NKX2-5: variants seen among roughly 807,000 people sequenced by gnomAD.
The protein encoded by NKX2-5 is homeobox protein Nkx-2.5.
Under a neutral mutation model 24.5 loss-of-function variants are expected in NKX2-5, and 3 were observed. The observed-to-expected ratio is 0.12, with a 90% CI of 0.06 to 0.32. The LOEUF (loss-of-function observed/expected upper bound fraction) is 0.32. Ranked by LOEUF, NKX2-5 falls within the 10% of genes least tolerant of loss-of-function variation. The pLI, the probability that NKX2-5 is intolerant of heterozygous loss-of-function variation, is 1.00. For synonymous variants in NKX2-5, 215 were observed against 217.6 expected, an observed-to-expected ratio of 0.99 and a Z score of 0.11; for missense variants, 429 against 452.4, an observed-to-expected ratio of 0.95 and a Z score of 0.47.
Position 173,234,993 on chromosome 5 carries a change from C to T in NKX2-5, c.91G>A (p.Gly31Arg), listed in dbSNP as rs1360215151. ...GCCTCCAGGCGGGCAGAGAGCTCTC[C>T]GGCGGCAGCCAGGCTGCGCTGCTGC... ...EQQQRSLAAA[G>R]ELSARLEATL... is the part of the protein sequence containing the mutation. The change falls in exon 1 of 2, where the codon GGA (glycine) becomes AGA (arginine). Residue 31 changes from glycine (G) to arginine (R), a missense_variant. Gly to Arg is a moderately radical substitution (Grantham distance 125). This residue lies in a region of NKX2-5 where 240 missense variants were observed against 240.4 expected (regional missense o/e 1.00). Transcript: ENST00000329198. The T allele has an allele frequency of 4.3e-6, 7 of 1,612,000 alleles. No individual in the cohort carries two copies. The highest frequency in any genetic ancestry group is 2.2e-5 in the East Asian group (1 of 44,830).
rs1260214548 is a variant in NKX2-5 at position 173,233,135 on chromosome 5, G to T, written c.409C>A (p.Arg137=). 1 of 1,601,954 alleles carries T rather than the reference G, an allele frequency of 6.2e-7. No individual in the cohort carries two copies. Among genetic ancestry groups the T allele is most frequent in the South Asian group, 1.1e-5 (1 of 89,728 alleles). ...AAGAGCACGCGCGGCTTCCTCCGCC[G>T]TCGCGCCCGGGGCCGCTCCGCGTTG... The part of the protein sequence containing the change: ...ADNAERPRAR[R]RRKPRVLFSQ... The change falls in exon 2 of 2, where the codon CGG becomes AGG. Residue 137 remains arginine (R), a synonymous_variant. Coordinates refer to ENST00000329198, the MANE Select transcript of NKX2-5 (RefSeq NM_004387.4).
At position 173,232,457 on chromosome 5, in the gene NKX2-5, T is replaced by G; in HGVS notation, c.*112A>C. 6.6e-7 allele frequency: 1 copy of G among 1,524,866 alleles called. No homozygotes were observed. The highest frequency in any genetic ancestry group is 1.4e-5 in the African/African-American group (1 of 72,532). The allele number at this position is 1,524,866 out of a possible 1,614,324, so 94.5% of individuals were successfully genotyped here. On this transcript the variant is annotated 3_prime_UTR_variant, in exon 2 of 2. Coordinates refer to ENST00000329198, the MANE Select transcript of NKX2-5 (RefSeq NM_004387.4). The surrounding 1 kb of genome is among the most constrained non-coding windows in gnomAD (Gnocchi z 5.9). Reference sequence around the variant, plus strand: ...AAAAGTTCCTAGGTCTCCGCAGGAGTGAATGCAAAATCCAGGGGACTCAGG... The same window carrying G: ...AAAAGTTCCTAGGTCTCCGCAGGAGGGAATGCAAAATCCAGGGGACTCAGG...
chr5:173,233,574 T>A, intron 1 of NKX2-5: 2 of 773,210 alleles, frequency 2.6e-6, no homozygotes, highest in Non-Finnish European at 4.1e-6. Flanking sequence ...TGGGGTGAAC[T>A]GAATTAGGGC....
Position 173,232,606 on chromosome 5 carries a change from G to A in NKX2-5, c.938C>T (p.Ser313Leu), listed in dbSNP as rs769930017. The change falls in exon 2 of 2, where the codon TCG (serine) becomes TTG (leucine). Residue 313 changes from serine (S) to leucine (L), a missense_variant. Ser to Leu is a moderately radical substitution (Grantham distance 145). Around this residue, in one of 3 missense-constraint regions of NKX2-5, gnomAD observed 183 missense variants for 185.9 expected, o/e 0.98. Coordinates refer to ENST00000329198, the MANE Select transcript of NKX2-5 (RefSeq NM_004387.4). The surrounding 1 kb of genome is among the most constrained non-coding windows in gnomAD (Gnocchi z 5.9). ...GATACCATGCAGCGTGGACACTCCCGAGTTGCTCTGCGGAATCCCGGGGCT... is the reference window on the plus strand; with the variant it reads ...GATACCATGCAGCGTGGACACTCCCAAGTTGCTCTGCGGAATCCCGGGGCT... Reference protein sequence around the residue: ...VQSPGIPQSNSGVSTLHGIRA... With the variant: ...VQSPGIPQSNLGVSTLHGIRA... The A allele has an allele frequency of 1.2e-6, 2 of 1,612,882 alleles. No homozygotes were observed. Among genetic ancestry groups the A allele is most frequent in the South Asian group, 1.1e-5 (1 of 91,086 alleles).
chr5:173,232,324 C>A lies in NKX2-5; in HGVS notation c.*245G>T. 1 of 701,630 alleles carries A rather than the reference C, an allele frequency of 1.4e-6. No individual in the cohort carries two copies. The highest frequency in any genetic ancestry group is 2.3e-6 in the Non-Finnish European group (1 of 437,740). The allele number at this position is 701,630 out of a possible 1,614,324, so 43.5% of individuals were successfully genotyped here. ...GGTGCCCATGGACTCTCGGAGGGCA[C>A]TCCTGGGGGGACAGCTAAGACACCA... On this transcript the variant is annotated 3_prime_UTR_variant, in exon 2 of 2. Transcript: ENST00000329198. The surrounding 1 kb of genome is among the most constrained non-coding windows in gnomAD (Gnocchi z 5.9).
chr5:173,232,548 C>T lies in NKX2-5; in HGVS notation c.*21G>A. The stretch of plus-strand genomic sequence containing the variant: ...CTGTTGAGGTGGGATCGGTCAGGGT[C>T]GCGCCACGCGGGTCCCTTCCCTACC... On this transcript the variant is annotated 3_prime_UTR_variant, in exon 2 of 2. Coordinates refer to ENST00000329198, the MANE Select transcript of NKX2-5 (RefSeq NM_004387.4). The surrounding 1 kb of genome is among the most constrained non-coding windows in gnomAD (Gnocchi z 5.9). 6.2e-7 allele frequency: 1 copy of T among 1,602,502 alleles called. No individual in the cohort carries two copies. The highest frequency in any genetic ancestry group is 1.1e-5 in the South Asian group (1 of 90,978).
chr5:173,233,526 A>AAT (rs1761385116), intron 1 of NKX2-5: 3 of 885,668 alleles, frequency 3.4e-6, no homozygotes, highest in Non-Finnish European at 5.2e-6. Flanking sequence ...AAAATAAATA[A>AAT]AAAAATAAAA....
chr5:173,234,129 C>A (rs550040404), intron 1 of NKX2-5: 14 of 1,289,202 alleles, frequency 1.1e-5, no homozygotes, highest in East Asian at 1.1e-4. Context: ...CTGGCCGCGC[C>A]GGCAAGTTGT....
Position 173,232,113 on chromosome 5 carries a change from C to G in NKX2-5, c.*456G>C, listed in dbSNP as rs964688288. The G allele has an allele frequency of 5.7e-6, 1 of 175,692 alleles. No individual in the cohort carries two copies. The highest frequency in any genetic ancestry group is 1.2e-5 in the Non-Finnish European group (1 of 83,120). 10.9% of individuals were successfully genotyped at this position (175,692 alleles called of 1,614,324 possible). ...GAAAGAAGCACACGTGCGGGGTCAA[C>G]GCACTCTCTTTAATGGGAAGGGGAT... On this transcript the variant is annotated 3_prime_UTR_variant, in exon 2 of 2. Coordinates refer to ENST00000329198, the MANE Select transcript of NKX2-5 (RefSeq NM_004387.4). The surrounding 1 kb of genome is among the most constrained non-coding windows in gnomAD (Gnocchi z 5.9).
At position 173,235,099 on chromosome 5, in the gene NKX2-5, C is replaced by G. The variant is rs1761448293; in HGVS notation, c.-16G>C. ...TGGGGAACATGGTGGCAGCGCCAGT[C>G]TCACAGCGCCAGGTGGGCGGCAGAA... On this transcript the variant is annotated 5_prime_UTR_variant, in exon 1 of 2. Coordinates refer to ENST00000329198, the MANE Select transcript of NKX2-5 (RefSeq NM_004387.4). 6.3e-7 allele frequency: 1 copy of G among 1,593,650 alleles called. No individual in the cohort carries two copies. Among genetic ancestry groups the G allele is most frequent in the Non-Finnish European group, 8.5e-7 (1 of 1,172,166 alleles).
At chr5:173,234,722 G>C (rs565199103) in intron 1 of NKX2-5, 28 bp downstream of exon 1, 2 of 1,487,662 alleles carry the variant, frequency 1.3e-6, no homozygotes, top group Non-Finnish European at 1.8e-6. Flanking sequence ...CCCAGGAGGG[G>C]AGAAGGGGGC....
intron 1 of NKX2-5, 103 bp from the exon 2 acceptor site, chr5:173,233,312 GT>G: frequency 6.5e-7 from 1 of 1,539,866 alleles, no homozygotes; most frequent in Non-Finnish European, 8.7e-7. Flanking sequence ...AGGCCACTGT[GT>G]CCTGCCTGGA....
chr5:173,234,380 C>T, intron 1 of NKX2-5: 1 of 877,612 alleles, frequency 1.1e-6, no homozygotes. Flanking sequence ...TAAAAAGATT[C>T]GTAAATCCAA....
intron 1 of NKX2-5, chr5:173,234,376 G>T: frequency 1.1e-6 from 1 of 892,234 alleles, no homozygotes; most frequent in Non-Finnish European, 1.3e-6. Context: ...TCTTTAAAAA[G>T]ATTCGTAAAT....
At chr5:173,234,654 C>T in intron 1 of NKX2-5, 96 bp downstream of exon 1, 1 of 1,126,440 alleles carries the variant, frequency 8.9e-7, no homozygotes, top group Non-Finnish European at 1.2e-6. Context: ...GCCCAGCCCT[C>T]GGCCCAAGGG....
chr5:173,232,744 C>T lies in NKX2-5; in HGVS notation c.800G>A (p.Gly267Asp). 1 of 1,605,458 alleles carries T rather than the reference C, an allele frequency of 6.2e-7. No homozygotes were observed. The part of the protein sequence containing the change: ...PGYGGAACSP[G>D]YSCTAAYPAG... ...GGGGTAAGCGGCAGTGCAGCTGTAG[C>T]CAGGGCTGCAGGCCGCGCCGCCGTA... Residue 267 changes from glycine (G) to aspartate (D), a missense_variant, in exon 2 of 2, where the codon GGC becomes GAC. Transcript: ENST00000329198. The surrounding 1 kb of genome is among the most constrained non-coding windows in gnomAD (Gnocchi z 5.9).
In NKX2-5 at chr5:173,232,720, G is replaced by A. The variant is rs1060503097; in HGVS notation, c.824C>T (p.Pro275Leu). 8 of 1,608,476 alleles carry A rather than the reference G, an allele frequency of 5.0e-6. No individual in the cohort carries two copies. Among genetic ancestry groups the A allele is most frequent in the South Asian group, 1.1e-5 (1 of 90,882 alleles). The change falls in exon 2 of 2, where the codon CCC (proline) becomes CTC (leucine). Residue 275 changes from proline to leucine, a missense_variant. By Grantham distance (98) the Pro-to-Leu change is moderately conservative. Around this residue, in one of 3 missense-constraint regions of NKX2-5, gnomAD observed 183 missense variants for 185.9 expected, o/e 0.98. Transcript: ENST00000329198. The surrounding 1 kb of genome is among the most constrained non-coding windows in gnomAD (Gnocchi z 5.9). ...CGGCTGCGCTGGGGAAGGCCCGGCG[G>A]GGTAAGCGGCAGTGCAGCTGTAGCC... is the stretch of plus-strand genomic sequence containing the variant. ...SPGYSCTAAY[P>L]AGPSPAQPAT... is the part of the protein sequence containing the mutation.
chr5:173,233,178 C>T lies in NKX2-5; in HGVS notation c.366G>A (p.Leu122=), dbSNP rs748099661. ...ELCALQKAVE[L]EKTEADNAER... The stretch of plus-strand genomic sequence containing the variant: ...CCGCGTTGTCCGCCTCTGTCTTCTC[C>T]AGCTCCACCGCCTTCTGCAGCGCGC... Residue 122 remains leucine (L), a synonymous_variant, in exon 2 of 2, where the codon CTG becomes CTA. Transcript: ENST00000329198. The T allele has an allele frequency of 3.1e-6, 5 of 1,602,746 alleles. No individual in the cohort carries two copies. The highest frequency in any genetic ancestry group is 4.2e-6 in the Non-Finnish European group (5 of 1,178,886).
In NKX2-5 at chr5:173,234,874, G is replaced by C. The variant is rs775003978; in HGVS notation, c.210C>G (p.Arg70=). The change falls in exon 1 of 2, where the codon CGC becomes CGG. Residue 70 remains arginine, a synonymous_variant. Coordinates refer to ENST00000329198, the MANE Select transcript of NKX2-5 (RefSeq NM_004387.4). Reference sequence around the variant, plus strand: ...GTGAAGGCGCGCGGCCCAGCTCTGCGCGCAGCTCTGGGAGGCCCGGCGCAG... The same window carrying C: ...GTGAAGGCGCGCGGCCCAGCTCTGCCCGCAGCTCTGGGAGGCCCGGCGCAG... The part of the protein sequence containing the change: ...EAAAPGLPEL[R]AELGRAPSPA... 2.5e-6 allele frequency: 4 copies of C among 1,603,934 alleles called. No homozygotes were observed. The highest frequency in any genetic ancestry group is 3.4e-6 in the Non-Finnish European group (4 of 1,175,510).
Sources: gnomAD v4.1 joint callset for allele counts on GRCh38, gnomAD v4.1.1 for gene constraint, gnomAD v4.1.1 regional missense constraint, Gnocchi (gnomAD v3.1) non-coding constraint, MANE v1.5 for transcripts, NCBI Gene and HGNC (gene_info 2026-07-23, HGNC 2026-07-21) for gene names.